The following MAL variants were observed in gnomAD, a reference collection of about 807,000 sequenced individuals.
MAL encodes the protein myelin and lymphocyte protein.
A neutral mutation model predicts 16.7 loss-of-function variants in MAL; 5 were observed. That is an observed-to-expected ratio of 0.30 (90% CI 0.16 to 0.63). The LOEUF is 0.63. Ranked by LOEUF, MAL falls within the 30% of genes least tolerant of loss-of-function variation. The pLI, the probability that MAL is intolerant of heterozygous loss-of-function variation, is 0.82. For synonymous variants in MAL, 96 were observed against 85.5 expected (o/e 1.12, Z -0.67); for missense variants, 202 against 195.8 (o/e 1.03, Z -0.19).
In MAL at chr2:95,028,759, T is replaced by C. The variant is rs377736770; in HGVS notation, c.93+2874T>C. ...GTACTGATACGTGCTACAAAGTTGA[T>C]AAACCTTGAAAACTCTATGCTAAGC... On this transcript the variant is annotated intron_variant, in intron 1 of 3. Coordinates refer to ENST00000309988, the MANE Select transcript of MAL (RefSeq NM_002371.4). 1.1e-4 allele frequency among the ~76,000 whole-genome samples: 16 copies of C among 152,346 alleles called. No homozygotes were observed. In the Middle Eastern group the frequency reaches 0.014, roughly 130 times the overall value.
intron 1 of MAL, among the ~76,000 whole-genome samples, chr2:95,037,595 AGTGG>A (rs1372810367): frequency 6.6e-6 from 1 of 151,462 alleles, no homozygotes; most frequent in African/African-American, 2.4e-5. Context: ...TGAGTGAGTG[AGTGG>A]GTGAGTAACA....
chr2:95,037,404 C>CTGAG (rs1674254530), intron 1 of MAL, among the ~76,000 whole-genome samples: 1 of 71,522 alleles, frequency 1.4e-5, no homozygotes, highest in Non-Finnish European at 3.0e-5. Flanking sequence ...GAGTGAGTGA[C>CTGAG]TGAGTGAGTG....
At chr2:95,053,019 A>G in intron 3 of MAL, 2 of 207,920 alleles carry the variant, frequency 9.6e-6, no homozygotes, top group Non-Finnish European at 1.9e-5. Flanking sequence ...GTGTTGGGGG[A>G]GGAAGTTGTC....
intron 1 of MAL, among the ~76,000 whole-genome samples, chr2:95,037,177 G>GTGAGTGAC (rs1386323951): frequency 6.6e-6 from 1 of 151,222 alleles, no homozygotes; most frequent in African/African-American, 2.4e-5. Flanking sequence ...GAGTGACTGA[G>GTGAGTGAC]TGAGTGACTG....
At position 95,046,934 on chromosome 2, in the gene MAL, GAGAA is replaced by G. The variant is rs199934507; in HGVS notation, c.94-1013_94-1010del. On this transcript the variant is annotated intron_variant, in intron 1 of 3. Transcript: ENST00000309988. Reference sequence around the variant, plus strand: ...AAAGAGAGAGAAAGAAAGAGAGAAAGAGAAAGAAAGAAAGAGAAAAAAGAAAGAA... The same window carrying G: ...AAAGAGAGAGAAAGAAAGAGAGAAAGAGAAAGAAAGAGAAAAAAGAAAGAA... Among the ~76,000 whole-genome samples the G allele has an allele frequency of 7.9e-3, 1,142 of 145,054 alleles. 6 individuals carry two copies. Among genetic ancestry groups the G allele is most frequent in the Middle Eastern group, 0.032 (9 of 284 alleles).
At chr2:95,028,918 G>A (rs748024290) in intron 1 of MAL, among the ~76,000 whole-genome samples, 18 of 152,158 alleles carry the variant, frequency 1.2e-4, no homozygotes, top group Admixed American at 3.3e-4. Flanking sequence ...TTGTTTAATC[G>A]CTATGTGGTT....
intron 1 of MAL, among the ~76,000 whole-genome samples, chr2:95,041,463 G>A (rs979268242): frequency 6.6e-6 from 1 of 152,192 alleles, no homozygotes; most frequent in Non-Finnish European, 1.5e-5. Context: ...TCAGACTGCT[G>A]GGATTTTTCA....
At chr2:95,047,687 C>G in intron 1 of MAL, among the ~76,000 whole-genome samples, 1 of 152,274 alleles carries the variant, frequency 6.6e-6, no homozygotes, top group Middle Eastern at 3.4e-3. Context: ...ACTGTACTCA[C>G]GCCTGGGTGA....
intron 1 of MAL, among the ~76,000 whole-genome samples, chr2:95,030,907 G>C (rs931779487): frequency 1.3e-5 from 2 of 152,234 alleles, no homozygotes; most frequent in African/African-American, 4.8e-5. Context: ...TATTAAGAGT[G>C]ACCAGAGAGG....
chr2:95,033,096 A>G (rs1674126248), intron 1 of MAL, among the ~76,000 whole-genome samples: 1 of 152,000 alleles, frequency 6.6e-6, no homozygotes, highest in African/African-American at 2.4e-5. Context: ...GAGGGGCTGG[A>G]AGGGCAGGGG....
Position 95,025,733 on chromosome 2 carries a change from G to A in MAL, c.-60G>A. The A allele has an allele frequency of 8.2e-7, 1 of 1,219,784 alleles. No homozygotes were observed. The highest frequency in any genetic ancestry group is 1.1e-6 in the Non-Finnish European group (1 of 893,248). 75.6% of individuals were successfully genotyped at this position (1,219,784 alleles called of 1,614,324 possible). On this transcript the variant is annotated 5_prime_UTR_variant, in exon 1 of 4. Transcript: ENST00000309988. This position sits in a 1 kb window ranked among gnomAD's most constrained non-coding sequence, Gnocchi z 5.6. ...ACTGGGCTCCGCGGAGCCAGCGAGAGGTCTGCGCGGAGTCTGAGCGGCGCT... is the reference window on the plus strand; with the variant it reads ...ACTGGGCTCCGCGGAGCCAGCGAGAAGTCTGCGCGGAGTCTGAGCGGCGCT...
chr2:95,025,734 G>A lies in MAL; in HGVS notation c.-59G>A, dbSNP rs1673915735. The A allele has an allele frequency of 8.0e-7, 1 of 1,246,264 alleles. No homozygotes were observed. The highest frequency in any genetic ancestry group is 1.1e-6 in the Non-Finnish European group (1 of 915,602). The allele number at this position is 1,246,264 out of a possible 1,614,324, so 77.2% of individuals were successfully genotyped here. On this transcript the variant is annotated 5_prime_UTR_variant, in exon 1 of 4. Transcript: ENST00000309988. The surrounding 1 kb of genome is among the most constrained non-coding windows in gnomAD (Gnocchi z 5.6). Reference sequence around the variant, plus strand: ...CTGGGCTCCGCGGAGCCAGCGAGAGGTCTGCGCGGAGTCTGAGCGGCGCTC... The same window carrying A: ...CTGGGCTCCGCGGAGCCAGCGAGAGATCTGCGCGGAGTCTGAGCGGCGCTC...
At chr2:95,032,188 G>A (rs528776536) in intron 1 of MAL, among the ~76,000 whole-genome samples, 12 of 152,364 alleles carry the variant, frequency 7.9e-5, no homozygotes, top group African/African-American at 2.4e-4. Context: ...CACTCAGGTC[G>A]GCCAGGGACA....
At chr2:95,049,727 C>A in intron 3 of MAL, 21 bp downstream of exon 3, 1 of 1,613,886 alleles carries the variant, frequency 6.2e-7, no homozygotes. Flanking sequence ...GCACCTGGGG[C>A]TGTGTCCACA....
chr2:95,053,208 T>C (rs1674756092), intron 3 of MAL, 173 bp from the exon 4 acceptor site: 1 of 641,968 alleles, frequency 1.6e-6, no homozygotes, highest in East Asian at 2.5e-5. Flanking sequence ...TGAGAGGATT[T>C]GGTGCACACC....
At chr2:95,048,523 C>G (rs1174094002) in intron 2 of MAL, among the ~76,000 whole-genome samples, 1 of 152,200 alleles carries the variant, frequency 6.6e-6, no homozygotes, top group African/African-American at 2.4e-5. Flanking sequence ...GGCCCTGGCT[C>G]TGAGGGTCAG....
At chr2:95,032,852 C>T (rs1022181883) in intron 1 of MAL, among the ~76,000 whole-genome samples, 2 of 152,208 alleles carry the variant, frequency 1.3e-5, no homozygotes, top group Admixed American at 6.5e-5. Flanking sequence ...GGCTCTCTGC[C>T]GCTGCTACCT....
Position 95,046,843 on chromosome 2 carries a change from AAG to A in MAL, c.94-1112_94-1111del, listed in dbSNP as rs571972795. ...TGAGCAAGAGAAAGAAAGAGAGAGA[AAG>A]AGAAAGGGAGAGAGAGAGAGAAAGA... On this transcript the variant is annotated intron_variant, in intron 1 of 3. Transcript: ENST00000309988. Among the ~76,000 whole-genome samples the A allele has an allele frequency of 3.4e-4, 52 of 151,348 alleles. 1 individual carries two copies. Among genetic ancestry groups the A allele is most frequent in the Middle Eastern group, 6.8e-3 (2 of 294 alleles).
chr2:95,037,584 C>CTGAGTGAG (rs1399603489), intron 1 of MAL, among the ~76,000 whole-genome samples: 1 of 100,324 alleles, frequency 1.0e-5, no homozygotes, highest in Non-Finnish European at 2.1e-5. Flanking sequence ...GACTGAGTGA[C>CTGAGTGAG]TGAGTGAGTG....
Sources: gnomAD v4.1 joint callset for allele counts (sites outside exome capture counted in the v4.1 genomes callset) on GRCh38, gnomAD v4.1.1 for gene constraint, Gnocchi (gnomAD v3.1) non-coding constraint, MANE v1.5 for transcripts, NCBI Gene and HGNC (gene_info 2026-07-23, HGNC 2026-07-21) for gene names.